Variants in CDK5RAP1 observed in about 807,000 individuals in gnomAD.
CDK5RAP1 encodes the protein CDK5RAP1 mitochondrial tRNA methylthiotransferase.
A neutral mutation model predicts 64.5 loss-of-function variants in CDK5RAP1; 62 were observed. The ratio of observed to expected loss-of-function variants is 0.96; its 90% CI spans 0.78 to 1.19. The LOEUF (loss-of-function observed/expected upper bound fraction) is 1.19, where lower values mean the gene tolerates loss of function less well. Among genes scored for constraint, CDK5RAP1 ranks in the 50% most tolerant of loss-of-function variants. The pLI is 0.00. For synonymous variants in CDK5RAP1, 250 were observed against 261.9 expected (o/e 0.95, Z 0.44); for missense variants, 657 against 735.0 (o/e 0.89, Z 1.23).
At chr20:33,384,407 T>C (rs1987155658) in intron 7 of CDK5RAP1, among the ~76,000 whole-genome samples, 1 of 152,148 alleles carries the variant, frequency 6.6e-6, no homozygotes, top group Admixed American at 6.6e-5. Flanking sequence ...GAGTGAGTTT[T>C]GGTACTGAGG....
At chr20:33,374,406 T>C (rs905944962) in intron 8 of CDK5RAP1, among the ~76,000 whole-genome samples, 194 bp from the exon 9 acceptor site, 1 of 152,134 alleles carries the variant, frequency 6.6e-6, no homozygotes, top group Non-Finnish European at 1.5e-5. Context: ...ACACTTCACC[T>C]GATGGCATCT....
At chr20:33,360,303 C>T in intron 13 of CDK5RAP1, 48 bp downstream of exon 13, 1 of 1,575,390 alleles carries the variant, frequency 6.3e-7, no homozygotes, top group Non-Finnish European at 8.6e-7. Context: ...ATATCCAAAC[C>T]AACACTCATT....
At chr20:33,385,592 G>C (rs1455877161) in intron 7 of CDK5RAP1, 58 bp downstream of exon 7, 1 of 1,599,984 alleles carries the variant, frequency 6.3e-7, no homozygotes, top group East Asian at 2.2e-5. Flanking sequence ...AACTACAAAG[G>C]TTATCCTCAT....
At chr20:33,386,901 C>T (rs1987504456) in intron 6 of CDK5RAP1, among the ~76,000 whole-genome samples, 1 of 151,982 alleles carries the variant, frequency 6.6e-6, no homozygotes, top group Non-Finnish European at 1.5e-5. Flanking sequence ...AATGGGCATG[C>T]TTGTATTCCA....
At chr20:33,387,794 C>T (rs941979139) in intron 5 of CDK5RAP1, among the ~76,000 whole-genome samples, 2 of 152,096 alleles carry the variant, frequency 1.3e-5, no homozygotes, top group Admixed American at 6.6e-5. Flanking sequence ...CAGCCAGGTG[C>T]GGTGGCTCAT....
chr20:33,376,671 TATTTTA>T (rs1986034957), intron 8 of CDK5RAP1, among the ~76,000 whole-genome samples: 1 of 152,214 alleles, frequency 6.6e-6, no homozygotes, highest in South Asian at 2.1e-4. Context: ...CAAGCCCTAT[TATTTTA>T]ATTTTTAGTT....
chr20:33,381,324 C>T (rs1306172716), intron 7 of CDK5RAP1, among the ~76,000 whole-genome samples: 2 of 152,150 alleles, frequency 1.3e-5, no homozygotes, highest in African/African-American at 4.8e-5. Flanking sequence ...TATATAATTT[C>T]AGGACAATTA....
intron 5 of CDK5RAP1, among the ~76,000 whole-genome samples, chr20:33,388,068 CAAA>C (rs372479302): frequency 3.1e-5 from 3 of 95,968 alleles, no homozygotes; most frequent in Admixed American, 2.2e-4. Context: ...AACTCCGTCT[CAAA>C]AAAAAAAAAA....
At chr20:33,370,783 G>A (rs537347892) in intron 10 of CDK5RAP1, among the ~76,000 whole-genome samples, 154 bp from the exon 11 acceptor site, 2 of 152,308 alleles carry the variant, frequency 1.3e-5, no homozygotes, top group South Asian at 4.1e-4. Context: ...AGTAAGGCGG[G>A]ATAGGCCTGT....
chr20:33,385,920 A>C (rs892453334), intron 6 of CDK5RAP1, 150 bp from the exon 7 acceptor site: 2 of 662,406 alleles, frequency 3.0e-6, no homozygotes, highest in Middle Eastern at 3.3e-4. Flanking sequence ...TCTAAGCACT[A>C]AAGTAGACCT....
At chr20:33,364,469 G>A (rs1166535432) in intron 12 of CDK5RAP1, among the ~76,000 whole-genome samples, 2 of 152,014 alleles carry the variant, frequency 1.3e-5, no homozygotes, top group Admixed American at 1.3e-4. Context: ...TTACAGACGT[G>A]AGCCACCGCG....
In CDK5RAP1 at chr20:33,397,017, C is replaced by G. The variant is rs146286260; in HGVS notation, c.48G>C (p.Trp16Cys). Residue 16 changes from tryptophan to cysteine, a missense_variant, in exon 2 of 14, where the codon TGG becomes TGC. Physicochemically the swap from Trp to Cys is radical, Grantham distance 215. Transcript: ENST00000346416. The stretch of plus-strand genomic sequence containing the variant: ...GCCAAGACACAGAGGCCAATGGTCC[C>G]CACCCCAGAGACCTCTGCACTTGGA... ...CVLQVQRSLG[W>C]GPLASVSWLS... 40 of 1,613,958 alleles carry G rather than the reference C, an allele frequency of 2.5e-5. No homozygotes were observed. The African/African-American group carries it at 4.9e-4, about 20-fold the overall frequency.
chr20:33,401,487 T>C lies in CDK5RAP1; in HGVS notation c.-80A>G. 1.3e-5 allele frequency: 13 copies of C among 985,282 alleles called. No individual in the cohort carries two copies. The highest frequency in any genetic ancestry group is 1.6e-5 in the Non-Finnish European group (13 of 829,928). The allele number at this position is 985,282 out of a possible 1,614,324, so 61.0% of individuals were successfully genotyped here. ...GCGTAAGTTCTGCCGGCAAGTCGGA[T>C]CCCCTCACAGGTCCGCCGCTGCGTT... On this transcript the variant is annotated 5_prime_UTR_variant, in exon 1 of 14. Transcript: ENST00000346416.
At position 33,397,049 on chromosome 20, in the gene CDK5RAP1, A is replaced by G; in HGVS notation, c.16T>C (p.Cys6Arg). ...AGAGACCTCTGCACTTGGAGGACACACTGTAAAGGGTGCATGGCACTAAAC... is the reference window on the plus strand; with the variant it reads ...AGAGACCTCTGCACTTGGAGGACACGCTGTAAAGGGTGCATGGCACTAAAC... MHPLQ[C>R]VLQVQRSLGW... The change falls in exon 2 of 14, where the codon TGT becomes CGT. Residue 6 changes from cysteine (C) to arginine (R), a missense_variant. Transcript: ENST00000346416. 1 of 1,611,990 alleles carries G rather than the reference A, an allele frequency of 6.2e-7. No individual in the cohort carries two copies. Among genetic ancestry groups the G allele is most frequent in the Non-Finnish European group, 8.5e-7 (1 of 1,179,204 alleles).
chr20:33,379,710 A>G lies in CDK5RAP1; in HGVS notation c.877-19T>C. On this transcript the variant is annotated intron_variant, in intron 7 of 13. Coordinates refer to ENST00000346416, the MANE Select transcript of CDK5RAP1 (RefSeq NM_016408.4). ...TCAGCCCCTAAACATGGGAAAATAT[A>G]TTGGAATTTTAAAACTTTTGGGTAG... 6.4e-7 allele frequency: 1 copy of G among 1,566,760 alleles called. No individual in the cohort carries two copies. Among genetic ancestry groups the G allele is most frequent in the Non-Finnish European group, 8.7e-7 (1 of 1,143,516 alleles).
chr20:33,392,258 G>C lies in CDK5RAP1; in HGVS notation c.444-16C>G, dbSNP rs188611959. The C allele has an allele frequency of 1.5e-5, 23 of 1,546,406 alleles. No homozygotes were observed. In the African/African-American group the frequency reaches 2.9e-4, roughly 19 times the overall value. On this transcript the variant is annotated splice_polypyrimidine_tract_variant and intron_variant, in intron 4 of 13. Coordinates refer to ENST00000346416, the MANE Select transcript of CDK5RAP1 (RefSeq NM_016408.4). ...AGCCTTCTCCCTAGAGAGATCAAAG[G>C]AGGCAAGACTGAACCAAAAATAAAC...
chr20:33,389,662 A>G (rs995653208), intron 5 of CDK5RAP1, among the ~76,000 whole-genome samples: 4 of 149,482 alleles, frequency 2.7e-5, no homozygotes, highest in Non-Finnish European at 4.5e-5. Flanking sequence ...CCTTCTGGGA[A>G]GTGAGGAGCC....
intron 8 of CDK5RAP1, among the ~76,000 whole-genome samples, chr20:33,375,746 C>G (rs560285003): frequency 2.2e-4 from 33 of 152,212 alleles, no homozygotes; most frequent in Admixed American, 2.1e-3. Context: ...GAGAATATTG[C>G]AATAAAGTGA....
At chr20:33,382,025 A>G (rs534537522) in intron 7 of CDK5RAP1, among the ~76,000 whole-genome samples, 2 of 152,022 alleles carry the variant, frequency 1.3e-5, no homozygotes, top group Non-Finnish European at 1.5e-5. Context: ...GTTTTGTAAT[A>G]GAGACAGCAG....
Sources: gnomAD v4.1 joint callset for allele counts (sites outside exome capture counted in the v4.1 genomes callset) on GRCh38, gnomAD v4.1.1 for gene constraint, MANE v1.5 for transcripts, NCBI Gene and HGNC (gene_info 2026-07-23, HGNC 2026-07-21) for gene names.